CASTOR2: variants seen among roughly 807,000 people sequenced by gnomAD.
CASTOR2 encodes the protein GATS protein like 2.
CASTOR2 carries 8 observed loss-of-function variants against 31.2 expected under a neutral mutation model. That is an observed-to-expected ratio of 0.26 (90% confidence interval 0.15 to 0.46). CASTOR2 has a LOEUF of 0.46. CASTOR2 is among the 20% of genes least tolerant of loss of function. The pLI, the probability that CASTOR2 is intolerant of heterozygous loss-of-function variation, is 0.99. For missense variants in CASTOR2, 216 were observed against 382.1 expected (o/e 0.57, Z 3.62); for synonymous variants, 162 against 158.7 (o/e 1.02, Z -0.16).
At chr7:75,009,262 CTTTTTTT>C (rs1161937896) in intron 2 of CASTOR2, among the ~76,000 whole-genome samples, 9 of 60,296 alleles carry the variant, frequency 1.5e-4, no homozygotes, top group African/African-American at 6.4e-4. Flanking sequence ...GGCCTGAGAA[CTTTTTTT>C]TTTTTTTTTT....
intron 1 of CASTOR2, among the ~76,000 whole-genome samples, chr7:74,989,639 C>T (rs1584464005): frequency 6.7e-6 from 1 of 148,898 alleles, no homozygotes; most frequent in East Asian, 2.0e-4. Flanking sequence ...TGGTCTTGAA[C>T]TCCCGACTTC....
At chr7:75,007,051 G>T (rs1457615613) in intron 1 of CASTOR2, among the ~76,000 whole-genome samples, 2 of 152,114 alleles carry the variant, frequency 1.3e-5, no homozygotes, top group African/African-American at 4.8e-5. Context: ...GCTTTGTGCT[G>T]GAGAGCCGGA....
At chr7:75,023,746 CCA>C (rs1474841940) in intron 7 of CASTOR2, among the ~76,000 whole-genome samples, 3 of 152,112 alleles carry the variant, frequency 2.0e-5, no homozygotes, top group Non-Finnish European at 4.4e-5. Context: ...AGCCAAGGTG[CCA>C]CACTTTTAAA....
intron 1 of CASTOR2, among the ~76,000 whole-genome samples, chr7:74,993,811 A>C (rs1386074372): frequency 0.014 from 2,156 of 152,054 alleles, 22 homozygotes; most frequent in African/African-American, 0.026. Flanking sequence ...AAAAAAAAAA[A>C]AAAAAACACT....
rs1480109933 is a variant in CASTOR2, at chr7:74,980,747, G to A, written c.113+15649G>A. On this transcript the variant is annotated intron_variant, in intron 1 of 8. Coordinates refer to ENST00000616305, the MANE Select transcript of CASTOR2 (RefSeq NM_001145064.3). ...GAAGGGAAGCTGTTTATTTGTTTCA[G>A]ATTGGCTGAGCTGTGGGGATGCGGG... Among the ~76,000 whole-genome samples the A allele has an allele frequency of 1.6e-5, 2 of 124,222 alleles. 1 individual carries two copies. 81.5% of individuals were successfully genotyped at this position (124,222 alleles called of 152,430 possible).
chr7:75,024,574 G>T, intron 8 of CASTOR2, 40 bp downstream of exon 8: 1 of 1,550,666 alleles, frequency 6.4e-7, no homozygotes, highest in Non-Finnish European at 8.7e-7. Flanking sequence ...GCAGGGCCGG[G>T]GTGGGGAAGC....
chr7:75,009,907 T>TA (rs1358402138), intron 2 of CASTOR2, among the ~76,000 whole-genome samples: 1 of 149,308 alleles, frequency 6.7e-6, no homozygotes, highest in African/African-American at 2.5e-5. Flanking sequence ...TTTTTTTTTT[T>TA]AAGAAACAGG....
At chr7:74,985,940 T>C (rs1253891062) in intron 1 of CASTOR2, among the ~76,000 whole-genome samples, 2 of 152,082 alleles carry the variant, frequency 1.3e-5, no homozygotes, top group Non-Finnish European at 1.5e-5. Flanking sequence ...TTATTTGGAT[T>C]TTTTTGAGAC....
chr7:75,008,480 G>C (rs1263482193), intron 2 of CASTOR2, among the ~76,000 whole-genome samples: 9 of 152,124 alleles, frequency 5.9e-5, no homozygotes, highest in African/African-American at 2.2e-4. Context: ...AGGATCACTT[G>C]AGCCCAGGAG....
chr7:74,992,665 C>T (rs1314414833), intron 1 of CASTOR2, among the ~76,000 whole-genome samples: 1 of 152,132 alleles, frequency 6.6e-6, no homozygotes, highest in African/African-American at 2.4e-5. Flanking sequence ...GTCTCGAACT[C>T]CTGACCTCGT....
At chr7:74,991,402 A>G (rs1584464828) in intron 1 of CASTOR2, among the ~76,000 whole-genome samples, 1 of 152,020 alleles carries the variant, frequency 6.6e-6, no homozygotes, top group African/African-American at 2.4e-5. Flanking sequence ...CTGGCACACC[A>G]CCCTCCTGTC....
chr7:74,992,927 G>A (rs1251162466), intron 1 of CASTOR2, among the ~76,000 whole-genome samples: 1 of 151,796 alleles, frequency 6.6e-6, no homozygotes, highest in African/African-American at 2.4e-5. Context: ...AGGGCCAGGT[G>A]TGGTGACTCA....
intron 1 of CASTOR2, among the ~76,000 whole-genome samples, chr7:74,991,398 C>T (rs1223185233): frequency 5.9e-5 from 9 of 152,188 alleles, no homozygotes; most frequent in Non-Finnish European, 1.2e-4. Flanking sequence ...CTGCCTGGCA[C>T]ACCACCCTCC....
chr7:74,988,437 A>G (rs1804124689), intron 1 of CASTOR2, among the ~76,000 whole-genome samples: 2 of 152,152 alleles, frequency 1.3e-5, no homozygotes, highest in African/African-American at 4.8e-5. Flanking sequence ...AGCTGGGACT[A>G]CAGGTGCCTG....
chr7:74,994,090 CG>C lies in CASTOR2; in HGVS notation c.114-13901del, dbSNP rs1439794113. Among the ~76,000 whole-genome samples the C allele has an allele frequency of 3.0e-4, 46 of 152,312 alleles. No individual in the cohort carries two copies. The South Asian group carries it at 6.4e-3, about 21-fold the overall frequency. On this transcript the variant is annotated intron_variant, in intron 1 of 8. Coordinates refer to ENST00000616305, the MANE Select transcript of CASTOR2 (RefSeq NM_001145064.3). ...AACAGATCAAGTTACCCGTGTCAGCCGGGCCGTCCACAACAGGCAGCCGCAG... is the reference window on the plus strand; with the variant it reads ...AACAGATCAAGTTACCCGTGTCAGCCGGCCGTCCACAACAGGCAGCCGCAG...
Position 75,027,282 on chromosome 7 carries a change from A to G in CASTOR2, c.*2583A>G, listed in dbSNP as rs1805162546. The G allele has an allele frequency of 6.6e-6, 1 of 152,494 alleles. No individual in the cohort carries two copies. The highest frequency in any genetic ancestry group is 1.5e-5 in the Non-Finnish European group (1 of 68,126). 9.4% of individuals were successfully genotyped at this position (152,494 alleles called of 1,614,324 possible). ...CTGAGAGCCCGCTGTGGCGTGGGTC[A>G]TGCCTTCTGCACCCCACTTTCCCCA... On this transcript the variant is annotated 3_prime_UTR_variant, in exon 9 of 9. Transcript: ENST00000616305.
chr7:74,997,413 G>A (rs1157504522), intron 1 of CASTOR2, among the ~76,000 whole-genome samples: 4 of 151,492 alleles, frequency 2.6e-5, no homozygotes, highest in East Asian at 1.9e-4. Flanking sequence ...CCACAGGATC[G>A]GACTGCCAAC....
At chr7:74,975,960 C>T (rs1395529892) in intron 1 of CASTOR2, among the ~76,000 whole-genome samples, 3 of 150,144 alleles carry the variant, frequency 2.0e-5, no homozygotes, top group Non-Finnish European at 4.4e-5. Context: ...CACCCCCAAC[C>T]GGCAGAGCGG....
At position 74,998,787 on chromosome 7, in the gene CASTOR2, C is replaced by T. The variant is rs2131937945; in HGVS notation, c.114-9207C>T. Among the ~76,000 whole-genome samples, 3 of 151,958 alleles carry T rather than the reference C, an allele frequency of 2.0e-5. No homozygotes were observed. In the East Asian group the frequency reaches 5.9e-4, roughly 30 times the overall value. On this transcript the variant is annotated intron_variant, in intron 1 of 8. Transcript: ENST00000616305. ...CAAGACCTGACAAGCAGAAGGTATA[C>T]TCTTGTCTACAAGGACTGAGATCTC...
Sources: allele counts gnomAD v4.1 joint callset (sites outside exome capture counted in the v4.1 genomes callset), GRCh38; gene constraint gnomAD v4.1.1; transcripts MANE v1.5; gene names NCBI Gene and HGNC (gene_info 2026-07-23, HGNC 2026-07-21).